The following INO80D variants were observed in gnomAD, a reference collection of about 807,000 sequenced individuals.
INO80D encodes INO80 complex subunit D.
Under a neutral mutation model 87.6 loss-of-function variants are expected in INO80D, and 21 were observed. The ratio of observed to expected loss-of-function variants is 0.24; its 90% CI spans 0.17 to 0.35. The LOEUF is 0.35. INO80D is among the 10% of genes least tolerant of loss of function. INO80D has a pLI of 1.00. For missense variants in INO80D, 982 were observed against 1,280.7 expected, an observed-to-expected ratio of 0.77 and a Z score of 3.56; for synonymous variants, 440 against 491.0, an observed-to-expected ratio of 0.90 and a Z score of 1.37.
At chr2:206,010,387 C>T (rs1429884385) in intron 8 of INO80D, among the ~76,000 whole-genome samples, 1 of 151,710 alleles carries the variant, frequency 6.6e-6, no homozygotes, top group African/African-American at 2.4e-5. Context: ...TCAAGCAGTA[C>T]AGCCAAAACC....
At chr2:206,056,111 T>G in intron 4 of INO80D, 87 bp downstream of exon 4, 3 of 1,306,060 alleles carry the variant, frequency 2.3e-6, no homozygotes, top group Non-Finnish European at 1.1e-6. Flanking sequence ...CCATCACATA[T>G]GGGGTAATTA....
rs375534511 is a variant in INO80D at position 206,004,611 on chromosome 2, C to A, written c.2841G>T (p.Gly947=). ...TGCCACTGAAGCTGGTCTGTGGTAA[C>A]CCCGGAAGCACACTGGAGCTGCTGG... is the stretch of plus-strand genomic sequence containing the variant. ...VTPSSSSVLP[G]LPQTSFSGMG... Residue 947 remains glycine, a synonymous_variant, in exon 11 of 11, where the codon GGG becomes GGT. Transcript: ENST00000403263. This position sits in a 1 kb window ranked among gnomAD's most constrained non-coding sequence, Gnocchi z 4.9. The A allele has an allele frequency of 1.2e-6, 2 of 1,612,610 alleles. No individual in the cohort carries two copies. The highest frequency in any genetic ancestry group is 8.5e-7 in the Non-Finnish European group (1 of 1,179,308).
intron 5 of INO80D, among the ~76,000 whole-genome samples, chr2:206,036,667 A>G (rs1371543183): frequency 6.6e-6 from 1 of 152,170 alleles, no homozygotes; most frequent in African/African-American, 2.4e-5. Flanking sequence ...TGAAGAGCTT[A>G]TTCATGTAAC....
In INO80D at chr2:206,004,213, T is replaced by C. The variant is rs1034814964; in HGVS notation, c.*155A>G. On this transcript the variant is annotated 3_prime_UTR_variant, in exon 11 of 11. Coordinates refer to ENST00000403263, the MANE Select transcript of INO80D (RefSeq NM_017759.5). The surrounding 1 kb of genome is among the most constrained non-coding windows in gnomAD (Gnocchi z 4.9). ...AGCACATGTGAACACTGTAGCGAGGTCCACTGCAGGGCCACTCATTGAACT... is the reference window on the plus strand; with the variant it reads ...AGCACATGTGAACACTGTAGCGAGGCCCACTGCAGGGCCACTCATTGAACT... 1 of 687,230 alleles carries C rather than the reference T, an allele frequency of 1.5e-6. No individual in the cohort carries two copies. The highest frequency in any genetic ancestry group is 1.8e-5 in the African/African-American group (1 of 55,488). 42.6% of individuals were successfully genotyped at this position (687,230 alleles called of 1,614,324 possible).
chr2:206,067,988 C>T (rs1046151581), intron 1 of INO80D, among the ~76,000 whole-genome samples: 1 of 152,186 alleles, frequency 6.6e-6, no homozygotes, highest in Non-Finnish European at 1.5e-5. Flanking sequence ...TGAATTCAAC[C>T]TTGTCTTACA....
At chr2:206,028,884 G>GT (rs961103518) in intron 5 of INO80D, among the ~76,000 whole-genome samples, 1 of 149,580 alleles carries the variant, frequency 6.7e-6, no homozygotes, top group East Asian at 2.0e-4. Context: ...TTTTTGTTTT[G>GT]TTTTTTTGTT....
At chr2:206,061,946 C>A (rs1689701128) in intron 3 of INO80D, among the ~76,000 whole-genome samples, 1 of 152,104 alleles carries the variant, frequency 6.6e-6, no homozygotes, top group South Asian at 2.1e-4. Flanking sequence ...CTCCATGAAG[C>A]CCCACAGTGA....
At chr2:206,039,344 C>A (rs1688974959) in intron 5 of INO80D, among the ~76,000 whole-genome samples, 1 of 151,666 alleles carries the variant, frequency 6.6e-6, no homozygotes. Flanking sequence ...TTGCGGTGAG[C>A]CGAGATTGCG....
At chr2:206,040,533 C>A in intron 5 of INO80D, 1 of 232,544 alleles carries the variant, frequency 4.3e-6, no homozygotes, top group South Asian at 7.0e-5. Context: ...ATGATGGCAC[C>A]TCAGACTGCC....
intron 5 of INO80D, among the ~76,000 whole-genome samples, chr2:206,045,045 GGTAA>G (rs1261415106): frequency 1.3e-5 from 2 of 152,132 alleles, no homozygotes; most frequent in Non-Finnish European, 2.9e-5. Context: ...CTATCTAGGG[GGTAA>G]GTGAGGAACA....
intron 8 of INO80D, among the ~76,000 whole-genome samples, chr2:206,010,083 A>ACGCACACACACG (rs1688130822): frequency 6.6e-6 from 1 of 151,162 alleles, no homozygotes; most frequent in Non-Finnish European, 1.5e-5. Flanking sequence ...ACACACACAC[A>ACGCACACACACG]CACGCACACA....
In INO80D at chr2:206,000,544, C is replaced by T. The variant is rs1208861988; in HGVS notation, c.*3824G>A. 6.6e-6 allele frequency: 1 copy of T among 151,756 alleles called. No individual in the cohort carries two copies. The highest frequency in any genetic ancestry group is 2.4e-5 in the African/African-American group (1 of 41,282). 9.4% of individuals were successfully genotyped at this position (151,756 alleles called of 1,614,324 possible). A position where few individuals can be genotyped will look rare whatever the true frequency, so the allele number is the denominator to read the frequency against. On this transcript the variant is annotated 3_prime_UTR_variant, in exon 11 of 11. Transcript: ENST00000403263. ...TCAATTCTTTCATGTAAGAAGAAAA[C>T]CGTATGGACAGGGCACCTCTGTGCA...
intron 6 of INO80D, among the ~76,000 whole-genome samples, chr2:206,023,699 A>C (rs1176837221): frequency 6.6e-6 from 1 of 151,944 alleles, no homozygotes; most frequent in Admixed American, 6.6e-5. Context: ...AAAAAAAAAA[A>C]AAAGTTGCCA....
At chr2:206,022,809 G>T (rs760415607) in intron 6 of INO80D, among the ~76,000 whole-genome samples, 21 of 152,228 alleles carry the variant, frequency 1.4e-4, no homozygotes, top group Middle Eastern at 6.8e-3. Flanking sequence ...TGCCTCCCGG[G>T]TTCAAGCAAT....
intron 8 of INO80D, among the ~76,000 whole-genome samples, chr2:206,011,380 G>A (rs764536394): frequency 6.6e-6 from 1 of 152,168 alleles, no homozygotes; most frequent in African/African-American, 2.4e-5. Flanking sequence ...TGGCCTTGTG[G>A]CACTCTTGGT....
intron 5 of INO80D, among the ~76,000 whole-genome samples, chr2:206,039,732 C>T (rs974937020): frequency 1.3e-5 from 2 of 148,874 alleles, no homozygotes; most frequent in Non-Finnish European, 3.0e-5. Flanking sequence ...ATCACTTGAA[C>T]CCAGGAGGTG....
chr2:206,055,214 C>T (rs1048956328), intron 4 of INO80D, among the ~76,000 whole-genome samples: 4 of 152,176 alleles, frequency 2.6e-5, no homozygotes, highest in Admixed American at 2.0e-4. Flanking sequence ...AATCATAGCT[C>T]ATATTGCATT....
At position 205,997,043 on chromosome 2, in the gene INO80D, A is replaced by G. The variant is rs1012554084; in HGVS notation, c.*7325T>C. ...TCTAAGATGAAGTAAATGATGCTCA[A>G]GAGACAACTACAAATTCAGGTATAT... is the stretch of plus-strand genomic sequence containing the variant. On this transcript the variant is annotated 3_prime_UTR_variant, in exon 11 of 11. Transcript: ENST00000403263. 4.6e-5 allele frequency: 7 copies of G among 152,180 alleles called. No homozygotes were observed. The highest frequency in any genetic ancestry group is 8.8e-5 in the Non-Finnish European group (6 of 67,976). The allele number at this position is 152,180 out of a possible 1,614,324, so 9.4% of individuals were successfully genotyped here.
rs1163296900 is a variant in INO80D at position 206,056,876 on chromosome 2, G to T, written c.286C>A (p.Pro96Thr). 6.2e-7 allele frequency: 1 copy of T among 1,609,884 alleles called. No homozygotes were observed. The highest frequency in any genetic ancestry group is 1.7e-5 in the Admixed American group (1 of 59,522). ...PKKERKKKND[P>T]IDEVKVRHQM... The stretch of plus-strand genomic sequence containing the variant: ...TGCCTGACCTTCACCTCATCTATAG[G>T]ATCATTCTTTTTCTTCCTCTCTTTT... The change falls in exon 4 of 11, where the codon CCT becomes ACT. Residue 96 changes from proline to threonine, a missense_variant. Pro to Thr is a conservative substitution (Grantham distance 38). Transcript: ENST00000403263.
Sources: allele counts gnomAD v4.1 joint callset (sites outside exome capture counted in the v4.1 genomes callset), GRCh38; gene constraint gnomAD v4.1.1; non-coding constraint Gnocchi (gnomAD v3.1); transcripts MANE v1.5; gene names NCBI Gene and HGNC (gene_info 2026-07-23, HGNC 2026-07-21).